SKAP1: variants seen among roughly 807,000 people sequenced by gnomAD.
SKAP1 encodes the protein src kinase-associated phosphoprotein 1.
A neutral mutation model predicts 58.5 loss-of-function variants in SKAP1; 44 were observed. The observed-to-expected ratio is 0.75, with a 90% CI of 0.59 to 0.97. SKAP1 has a LOEUF of 0.97. Ranked by LOEUF, SKAP1 falls within the 50% of genes least tolerant of loss-of-function variation. SKAP1 has a pLI of 0.00. For missense variants in SKAP1, 390 were observed against 435.2 expected (o/e 0.90, Z 0.92); for synonymous variants, 127 against 149.7 (o/e 0.85, Z 1.11).
At chr17:48,321,877 G>A (rs28577013) in intron 4 of SKAP1, among the ~76,000 whole-genome samples, 8,915 of 152,140 alleles carry the variant, frequency 0.059, 389 homozygotes, top group Admixed American at 0.15. Flanking sequence ...CTTCACAGCT[G>A]CCTATCACCT....
chr17:48,273,575 G>A (rs1041971579), intron 4 of SKAP1, among the ~76,000 whole-genome samples: 1 of 151,838 alleles, frequency 6.6e-6, no homozygotes, highest in Non-Finnish European at 1.5e-5. Context: ...CTGCCACCGC[G>A]CCTGGCTAAT....
chr17:48,383,000 C>A (rs1333340489), intron 2 of SKAP1, among the ~76,000 whole-genome samples: 1 of 152,178 alleles, frequency 6.6e-6, no homozygotes, highest in East Asian at 1.9e-4. Context: ...ATGACTCTAG[C>A]CGCTCACTGG....
chr17:48,242,470 G>A (rs930056852), intron 4 of SKAP1, among the ~76,000 whole-genome samples: 2 of 152,120 alleles, frequency 1.3e-5, no homozygotes, highest in Admixed American at 1.3e-4. Flanking sequence ...TCACCAACTG[G>A]CTGATGGCTC....
intron 1 of SKAP1, among the ~76,000 whole-genome samples, chr17:48,415,331 T>C (rs1049367680): frequency 2.8e-5 from 4 of 140,734 alleles, no homozygotes; most frequent in East Asian, 3.9e-4. Context: ...GCACCACCCT[T>C]TGGCAAAAAA....
chr17:48,228,718 TTAAG>T (rs2065096194), intron 4 of SKAP1, among the ~76,000 whole-genome samples: 1 of 152,170 alleles, frequency 6.6e-6, no homozygotes, highest in South Asian at 2.1e-4. Flanking sequence ...GATACAGAGT[TTAAG>T]TAATTTGCTC....
At chr17:48,407,518 A>G (rs1365283674) in intron 1 of SKAP1, among the ~76,000 whole-genome samples, 1 of 152,132 alleles carries the variant, frequency 6.6e-6, no homozygotes, top group African/African-American at 2.4e-5. Flanking sequence ...TTTTTTTTAA[A>G]GAGTTCCATT....
intron 4 of SKAP1, among the ~76,000 whole-genome samples, chr17:48,280,587 A>T (rs1489375834): frequency 6.6e-6 from 1 of 152,236 alleles, no homozygotes; most frequent in Non-Finnish European, 1.5e-5. Context: ...ACATATATAT[A>T]TAGTAGTTGT....
chr17:48,170,586 T>A (rs767122808), intron 10 of SKAP1, 23 bp downstream of exon 10: 2 of 1,605,488 alleles, frequency 1.2e-6, no homozygotes, highest in East Asian at 4.5e-5. Context: ...ACCCAGTGCC[T>A]GTGCATTTAG....
At chr17:48,259,086 T>C (rs2065457141) in intron 4 of SKAP1, among the ~76,000 whole-genome samples, 1 of 152,050 alleles carries the variant, frequency 6.6e-6, no homozygotes, top group Admixed American at 6.6e-5. Flanking sequence ...AGGCAGATGC[T>C]TGAATGTCCG....
chr17:48,249,740 T>C (rs2065340937), intron 4 of SKAP1, among the ~76,000 whole-genome samples: 2 of 152,090 alleles, frequency 1.3e-5, no homozygotes, highest in African/African-American at 2.4e-5. Context: ...ATTTTAAAAG[T>C]AGAATTTGAG....
At chr17:48,274,670 C>A (rs1001315478) in intron 4 of SKAP1, among the ~76,000 whole-genome samples, 1 of 151,108 alleles carries the variant, frequency 6.6e-6, no homozygotes, top group Non-Finnish European at 1.5e-5. Flanking sequence ...CACTCCAGCC[C>A]GGGCAACAAG....
intron 4 of SKAP1, among the ~76,000 whole-genome samples, chr17:48,331,130 A>G (rs565922047): frequency 6.6e-6 from 1 of 152,314 alleles, no homozygotes; most frequent in South Asian, 2.1e-4. Flanking sequence ...TTGATGAACA[A>G]GGGGCTATTA....
chr17:48,242,273 G>A (rs890864228), intron 4 of SKAP1, among the ~76,000 whole-genome samples: 1 of 152,176 alleles, frequency 6.6e-6, no homozygotes, highest in Non-Finnish European at 1.5e-5. Context: ...GAACGTCGTT[G>A]ATCAGTGTGC....
At chr17:48,429,002 A>G (rs1473437054) in intron 1 of SKAP1, among the ~76,000 whole-genome samples, 4 of 152,240 alleles carry the variant, frequency 2.6e-5, no homozygotes, top group Admixed American at 2.6e-4. Context: ...GACTTGCCAA[A>G]TATTTGATTA....
At chr17:48,169,949 C>T (rs773809658) in intron 10 of SKAP1, among the ~76,000 whole-genome samples, 3 of 152,210 alleles carry the variant, frequency 2.0e-5, no homozygotes, top group Non-Finnish European at 4.4e-5. Flanking sequence ...CATTCCTTTA[C>T]TGACAACCAT....
chr17:48,215,250 A>AT (rs994156684), intron 4 of SKAP1, among the ~76,000 whole-genome samples: 8 of 152,170 alleles, frequency 5.3e-5, no homozygotes, highest in African/African-American at 1.9e-4. Context: ...GCTGAAGGGT[A>AT]GGGGTATTCT....
At chr17:48,282,552 T>C (rs1013446448) in intron 4 of SKAP1, among the ~76,000 whole-genome samples, 1 of 152,080 alleles carries the variant, frequency 6.6e-6, no homozygotes, top group Admixed American at 6.5e-5. Flanking sequence ...GGCAGGAGGA[T>C]TGCTTGAGCC....
At chr17:48,374,348 C>G (rs2067127373) in intron 2 of SKAP1, among the ~76,000 whole-genome samples, 1 of 152,132 alleles carries the variant, frequency 6.6e-6, no homozygotes, top group South Asian at 2.1e-4. Context: ...CCTGAACTTC[C>G]TTTTTGTACT....
intron 4 of SKAP1, among the ~76,000 whole-genome samples, chr17:48,314,530 GA>G (rs888071943): frequency 2.0e-5 from 3 of 151,682 alleles, no homozygotes; most frequent in African/African-American, 4.8e-5. Context: ...AACAGGGAGG[GA>G]AAAAAAAGTA....
Sources: allele counts gnomAD v4.1 joint callset (sites outside exome capture counted in the v4.1 genomes callset), GRCh38; gene constraint gnomAD v4.1.1; transcripts MANE v1.5; gene names NCBI Gene and HGNC (gene_info 2026-07-23, HGNC 2026-07-21).